The following FBXO16 variants were observed in gnomAD, a reference collection of about 807,000 sequenced individuals.
FBXO16 encodes the protein F-box only protein 16.
FBXO16 carries 31 observed loss-of-function variants against 41.0 expected under a neutral mutation model. That is an observed-to-expected ratio of 0.76 (90% CI 0.57 to 1.02). The LOEUF (loss-of-function observed/expected upper bound fraction) is 1.02, where lower values mean the gene tolerates loss of function less well. FBXO16 is among the 50% of genes least tolerant of loss of function. The pLI is 0.00. For synonymous variants in FBXO16, 133 were observed against 117.8 expected, an observed-to-expected ratio of 1.13 and a Z score of -0.84; for missense variants, 361 against 346.2, an observed-to-expected ratio of 1.04 and a Z score of -0.34.
chr8:28,489,638 T>G (rs950020331), intron 1 of FBXO16, among the ~76,000 whole-genome samples: 1 of 150,874 alleles, frequency 6.6e-6, no homozygotes, highest in Non-Finnish European at 1.5e-5. Context: ...AGTTCAAGGC[T>G]GCAGTGAGCG....
At chr8:28,428,953 A>G (rs1245748465) in intron 8 of FBXO16, among the ~76,000 whole-genome samples, 2 of 152,106 alleles carry the variant, frequency 1.3e-5, no homozygotes, top group Non-Finnish European at 2.9e-5. Context: ...TGCTCTCACT[A>G]ACTTTATTTC....
Position 28,452,227 on chromosome 8 carries a change from A to C in FBXO16, c.740+17T>G. 6.3e-7 allele frequency: 1 copy of C among 1,599,308 alleles called. No individual in the cohort carries two copies. Among genetic ancestry groups the C allele is most frequent in the Non-Finnish European group, 8.6e-7 (1 of 1,169,338 alleles). ...TTCTAAAAACGAAGAAGTTGAGAAG[A>C]GCATGGAGCTTCTTACCCTTGCTGG... On this transcript the variant is annotated intron_variant, in intron 6 of 8. Coordinates refer to ENST00000380254, the MANE Select transcript of FBXO16 (RefSeq NM_172366.4).
At chr8:28,455,720 T>C (rs1803029000) in intron 5 of FBXO16, 1 of 152,238 alleles carries the variant, frequency 6.6e-6, no homozygotes, top group Non-Finnish European at 1.5e-5. Context: ...AAGAGAACTT[T>C]AAAAATTCTT....
In FBXO16 at chr8:28,452,260, C is replaced by T. The variant is rs1251556257; in HGVS notation, c.724G>A (p.Glu242Lys). 3 of 1,614,048 alleles carry T rather than the reference C, an allele frequency of 1.9e-6. No homozygotes were observed. The South Asian group carries it at 3.3e-5, about 18-fold the overall frequency. Reference protein sequence around the residue: ...FNYLDNRDPMETVQQGRRKRN... With the variant: ...FNYLDNRDPMKTVQQGRRKRN... ...GCTTCTTACCCTTGCTGGACAGTCT[C>T]CATGGGGTCACGGTTGTCTAGGTAA... Residue 242 changes from glutamate to lysine, a missense_variant, in exon 6 of 9, where the codon GAG (glutamate) becomes AAG (lysine). By Grantham distance (56) the Glu-to-Lys change is moderately conservative. Coordinates refer to ENST00000380254, the MANE Select transcript of FBXO16 (RefSeq NM_172366.4).
At chr8:28,464,634 T>C (rs1172184769) in intron 3 of FBXO16, among the ~76,000 whole-genome samples, 1 of 152,220 alleles carries the variant, frequency 6.6e-6, no homozygotes, top group Non-Finnish European at 1.5e-5. Context: ...ATTTCACATA[T>C]ATTCAGTACA....
intron 7 of FBXO16, among the ~76,000 whole-genome samples, chr8:28,435,754 T>C (rs992048525): frequency 9.2e-5 from 14 of 152,134 alleles, no homozygotes; most frequent in African/African-American, 3.4e-4. Context: ...TGGGGATCAA[T>C]CAGGGGAAAG....
At chr8:28,460,359 T>C (rs992699716) in intron 4 of FBXO16, among the ~76,000 whole-genome samples, 4 of 137,406 alleles carry the variant, frequency 2.9e-5, no homozygotes, top group Non-Finnish European at 4.6e-5. Flanking sequence ...AAGCAAGCAA[T>C]CTTCCTGCCT....
chr8:28,436,158 G>T (rs574138254), intron 7 of FBXO16, among the ~76,000 whole-genome samples: 1 of 152,238 alleles, frequency 6.6e-6, no homozygotes, highest in Non-Finnish European at 1.5e-5. Flanking sequence ...GCTGATGCTA[G>T]TCCCAGTCCC....
At chr8:28,451,920 G>A (rs1295065494) in intron 6 of FBXO16, among the ~76,000 whole-genome samples, 1 of 150,508 alleles carries the variant, frequency 6.6e-6, no homozygotes, top group African/African-American at 2.5e-5. Context: ...GGAGGTGGAG[G>A]TTGCAGTGAG....
intron 6 of FBXO16, among the ~76,000 whole-genome samples, chr8:28,447,726 G>T (rs1199631189): frequency 5.3e-5 from 8 of 152,216 alleles, no homozygotes; most frequent in Non-Finnish European, 1.0e-4. Flanking sequence ...GGCCAAGGCG[G>T]GTGGATCACC....
chr8:28,473,534 G>C (rs534135160), intron 3 of FBXO16, among the ~76,000 whole-genome samples: 1 of 152,298 alleles, frequency 6.6e-6, no homozygotes, highest in East Asian at 1.9e-4. Context: ...ACAGTGAGGA[G>C]GTGGCTGTCT....
chr8:28,485,881 G>C (rs199856626), intron 1 of FBXO16, among the ~76,000 whole-genome samples: 2 of 152,168 alleles, frequency 1.3e-5, no homozygotes, highest in African/African-American at 4.8e-5. Context: ...GCTGAGGCAG[G>C]CGGATCACCT....
chr8:28,447,455 C>A, intron 6 of FBXO16, 182 bp from the exon 7 acceptor site: 1 of 563,450 alleles, frequency 1.8e-6, no homozygotes, highest in Non-Finnish European at 3.2e-6. Flanking sequence ...TGCATCTCCA[C>A]ACAATGCAGT....
chr8:28,488,688 T>G (rs1257705402), intron 1 of FBXO16, among the ~76,000 whole-genome samples: 2 of 151,992 alleles, frequency 1.3e-5, no homozygotes, highest in Non-Finnish European at 2.9e-5. Context: ...ACGATAAGAG[T>G]CTGCTTTAAT....
At chr8:28,455,080 GAT>G (rs1491462301) in intron 5 of FBXO16, among the ~76,000 whole-genome samples, 23 of 133,302 alleles carry the variant, frequency 1.7e-4, no homozygotes. Flanking sequence ...GAATTACATT[GAT>G]TTTTTTTTTT....
Position 28,452,372 on chromosome 8 carries a change from A to G in FBXO16, c.612T>C (p.Ser204=). ...CCCCTGAGTTATTCTTCTTTCTTAAAGAGGAAGAGGACCGAAAAGCTGATA... is the reference window on the plus strand; with the variant it reads ...CCCCTGAGTTATTCTTCTTTCTTAAGGAGGAAGAGGACCGAAAAGCTGATA... The part of the protein sequence containing the change: ...SPLSAFRSSS[S]LRKKNNSGEK... Residue 204 remains serine, a synonymous_variant, in exon 6 of 9, where the codon TCT becomes TCC. Coordinates refer to ENST00000380254, the MANE Select transcript of FBXO16 (RefSeq NM_172366.4). 1.2e-6 allele frequency: 2 copies of G among 1,614,240 alleles called. No individual in the cohort carries two copies. The highest frequency in any genetic ancestry group is 1.7e-6 in the Non-Finnish European group (2 of 1,180,046).
At chr8:28,433,099 A>ACGT (rs1802635802) in intron 7 of FBXO16, among the ~76,000 whole-genome samples, 1 of 150,626 alleles carries the variant, frequency 6.6e-6, no homozygotes, top group African/African-American at 2.5e-5. Flanking sequence ...CAAACAAACA[A>ACGT]AACATAACAA....
intron 1 of FBXO16, among the ~76,000 whole-genome samples, chr8:28,487,088 C>G (rs1362292036): frequency 6.6e-6 from 1 of 152,032 alleles, no homozygotes; most frequent in African/African-American, 2.4e-5. Flanking sequence ...GGTAACTCCC[C>G]CAAGCGCCTG....
intron 7 of FBXO16, among the ~76,000 whole-genome samples, chr8:28,433,819 A>G (rs1802646987): frequency 6.6e-6 from 1 of 152,144 alleles, no homozygotes; most frequent in Admixed American, 6.6e-5. Context: ...AGTGGGTGAG[A>G]ATGCCAAGAG....
Sources: allele counts gnomAD v4.1 joint callset (sites outside exome capture counted in the v4.1 genomes callset), GRCh38; gene constraint gnomAD v4.1.1; transcripts MANE v1.5; gene names NCBI Gene and HGNC (gene_info 2026-07-23, HGNC 2026-07-21).